ASTN2: variants seen among roughly 807,000 people sequenced by gnomAD.
ASTN2 encodes astrotactin 2.
ASTN2 carries 54 observed loss-of-function variants against 139.8 expected under a neutral mutation model. The observed-to-expected ratio is 0.39, with a 90% CI of 0.31 to 0.48. The LOEUF is 0.48. Among genes scored for constraint, ASTN2 ranks in the 20% least tolerant of loss-of-function variants. The probability of loss-of-function intolerance (pLI) is 0.95; values close to 1 mark genes in which losing one functional copy is unlikely to be tolerated. For synonymous variants in ASTN2, 756 were observed against 719.5 expected (o/e 1.05, Z -0.81); for missense variants, 1,565 against 1,725.1 (o/e 0.91, Z 1.64).
chr9:116,650,990 A>C (rs1177201887), intron 17 of ASTN2, among the ~76,000 whole-genome samples: 1 of 150,426 alleles, frequency 6.6e-6, no homozygotes, highest in Non-Finnish European at 1.5e-5. Context: ...ATCTCGGCTC[A>C]CTGCAACCTC....
intron 13 of ASTN2, among the ~76,000 whole-genome samples, chr9:116,750,737 A>C (rs1229867611): frequency 6.6e-6 from 1 of 152,130 alleles, no homozygotes; most frequent in African/African-American, 2.4e-5. Context: ...CATAAGTTGG[A>C]GCCACAAGCA....
Position 116,604,353 on chromosome 9 carries a change from G to A in ASTN2, c.3355+13971C>T, listed in dbSNP as rs138110797. Among the ~76,000 whole-genome samples the A allele has an allele frequency of 1.4e-3, 210 of 152,268 alleles. 2 individuals carry two copies. Among genetic ancestry groups the A allele is most frequent in the African/African-American group, 5.0e-3 (206 of 41,558 alleles). ...TTAGAAACCTTTCACCCAGAAAGCA[G>A]CTGGAGTGACAGAAATATTTTCTGA... On this transcript the variant is annotated intron_variant, in intron 19 of 22. Transcript: ENST00000313400.
intron 7 of ASTN2, among the ~76,000 whole-genome samples, chr9:116,994,933 C>T (rs1156828999): frequency 6.6e-6 from 1 of 152,182 alleles, no homozygotes; most frequent in African/African-American, 2.4e-5. Context: ...TTATCTAGCT[C>T]AGTCCTCATA....
At chr9:117,060,799 G>A (rs537524503) in intron 5 of ASTN2, among the ~76,000 whole-genome samples, 2 of 152,174 alleles carry the variant, frequency 1.3e-5, no homozygotes, top group East Asian at 3.9e-4. Context: ...GGAGGCTGAG[G>A]CAGAAGAATA....
chr9:116,643,558 C>T (rs1217038118), intron 17 of ASTN2, among the ~76,000 whole-genome samples: 1 of 152,086 alleles, frequency 6.6e-6, no homozygotes, highest in Non-Finnish European at 1.5e-5. Context: ...ATCTTACAGA[C>T]CTGGGTTCAA....
intron 19 of ASTN2, among the ~76,000 whole-genome samples, chr9:116,509,256 G>T (rs1015759908): frequency 5.3e-5 from 8 of 152,144 alleles, no homozygotes; most frequent in Non-Finnish European, 4.4e-5. Context: ...AGAACATGCA[G>T]TGTTTGGTTT....
intron 10 of ASTN2, among the ~76,000 whole-genome samples, chr9:116,864,289 G>C (rs1301347304): frequency 6.6e-6 from 1 of 152,116 alleles, no homozygotes; most frequent in African/African-American, 2.4e-5. Flanking sequence ...TCTATAAATA[G>C]CAGAGCCAAG....
chr9:117,131,296 C>T (rs1394558741), intron 4 of ASTN2, among the ~76,000 whole-genome samples: 2 of 152,128 alleles, frequency 1.3e-5, no homozygotes, highest in Non-Finnish European at 2.9e-5. Context: ...GGAGTTTAGG[C>T]ACAACTGACC....
chr9:116,558,673 T>A (rs939843219), intron 19 of ASTN2, among the ~76,000 whole-genome samples: 2 of 152,200 alleles, frequency 1.3e-5, no homozygotes, highest in African/African-American at 2.4e-5. Flanking sequence ...CCACGGGTTC[T>A]GACAGGGCTA....
At chr9:116,854,573 C>T (rs1481170814) in intron 11 of ASTN2, among the ~76,000 whole-genome samples, 1 of 151,564 alleles carries the variant, frequency 6.6e-6, no homozygotes, top group Non-Finnish European at 1.5e-5. Context: ...GTGATTTATG[C>T]AGGGCTTGCA....
At chr9:117,362,370 G>GAA (rs34700881) in intron 1 of ASTN2, among the ~76,000 whole-genome samples, 6 of 152,044 alleles carry the variant, frequency 3.9e-5, no homozygotes, top group East Asian at 3.9e-4. Context: ...GTTGCCCCCG[G>GAA]AAAAAATCAA....
At chr9:116,777,775 T>C (rs998693051) in intron 13 of ASTN2, among the ~76,000 whole-genome samples, 2 of 152,228 alleles carry the variant, frequency 1.3e-5, no homozygotes, top group East Asian at 1.9e-4. Flanking sequence ...AAAATCTTTT[T>C]AAAATGCAGA....
chr9:116,840,644 GCTC>G (rs1315444702), intron 11 of ASTN2, among the ~76,000 whole-genome samples: 4 of 115,798 alleles, frequency 3.5e-5, no homozygotes, highest in Non-Finnish European at 7.4e-5. Flanking sequence ...GGGCGGAGGG[GCTC>G]CTCACTTCTC....
intron 5 of ASTN2, among the ~76,000 whole-genome samples, chr9:117,060,415 A>G (rs13300734): frequency 0.22 from 6,610 of 29,804 alleles, 655 homozygotes; most frequent in Non-Finnish European, 0.25. Context: ...AGAAAGAAGG[A>G]AAGGAAGGAA....
At chr9:116,649,268 G>A (rs990426444) in intron 17 of ASTN2, among the ~76,000 whole-genome samples, 2 of 151,736 alleles carry the variant, frequency 1.3e-5, no homozygotes, top group Admixed American at 1.3e-4. Flanking sequence ...AGGAAAGGGT[G>A]TTGTGCCATA....
At chr9:117,190,630 T>C (rs1360535846) in intron 3 of ASTN2, among the ~76,000 whole-genome samples, 1 of 152,126 alleles carries the variant, frequency 6.6e-6, no homozygotes, top group Admixed American at 6.5e-5. Flanking sequence ...CCTATTCCTC[T>C]AGTGCTCCAA....
chr9:117,143,602 T>C (rs770145637), intron 3 of ASTN2, among the ~76,000 whole-genome samples: 16 of 152,218 alleles, frequency 1.1e-4, no homozygotes, highest in African/African-American at 1.7e-4. Flanking sequence ...ACCAAAGACA[T>C]AGCTTAGCTT....
chr9:117,362,124 A>C (rs1829709077), intron 1 of ASTN2, among the ~76,000 whole-genome samples: 1 of 152,026 alleles, frequency 6.6e-6, no homozygotes, highest in South Asian at 2.1e-4. Context: ...ACAGGCATGC[A>C]CCAACAGGTC....
At chr9:116,842,079 A>T (rs190800084) in intron 11 of ASTN2, among the ~76,000 whole-genome samples, 2 of 152,176 alleles carry the variant, frequency 1.3e-5, no homozygotes, top group South Asian at 2.1e-4. Flanking sequence ...CTGTGGTGTT[A>T]CAAGTGGTTC....
Sources: allele counts gnomAD v4.1 joint callset (sites outside exome capture counted in the v4.1 genomes callset), GRCh38; gene constraint gnomAD v4.1.1; transcripts MANE v1.5; gene names NCBI Gene and HGNC (gene_info 2026-07-23, HGNC 2026-07-21).